PPP2R2C: variants seen among roughly 807,000 people sequenced by gnomAD.
The protein encoded by PPP2R2C is protein phosphatase 2 regulatory subunit Bgamma, also known as protein phosphatase 2, regulatory subunit B, gamma.
PPP2R2C carries 10 observed loss-of-function variants against 45.3 expected under a neutral mutation model. The observed-to-expected ratio is 0.22, with a 90% CI of 0.14 to 0.37. PPP2R2C has a LOEUF of 0.37. Among genes scored for constraint, PPP2R2C ranks in the 10% least tolerant of loss-of-function variants. PPP2R2C has a pLI of 1.00. For synonymous variants in PPP2R2C, 257 were observed against 245.4 expected, an observed-to-expected ratio of 1.05 and a Z score of -0.44; for missense variants, 308 against 619.7, an observed-to-expected ratio of 0.50 and a Z score of 5.34.
At chr4:6,347,666 G>T (rs1173639161) in intron 6 of PPP2R2C, among the ~76,000 whole-genome samples, 180 bp downstream of exon 6, 1 of 152,116 alleles carries the variant, frequency 6.6e-6, no homozygotes, top group East Asian at 1.9e-4. Context: ...GGCAGCAGGT[G>T]GCAAGACCAG....
upstream of PPP2R2C, among the ~76,000 whole-genome samples, chr4:6,474,492 A>G (rs1722066728): frequency 6.6e-6 from 1 of 152,000 alleles, no homozygotes; most frequent in Non-Finnish European, 1.5e-5. Context: ...CTGATCATGG[A>G]GAAGTCCCCT....
chr4:6,533,639 G>A (rs958624995), intron 2 of PPP2R2C, among the ~76,000 whole-genome samples: 5 of 152,182 alleles, frequency 3.3e-5, no homozygotes, highest in Admixed American at 1.3e-4. Context: ...TGACATTGCC[G>A]TCCAAATGCA....
At chr4:6,524,341 C>G (rs1364879044) in intron 2 of PPP2R2C, among the ~76,000 whole-genome samples, 1 of 152,220 alleles carries the variant, frequency 6.6e-6, no homozygotes, top group Non-Finnish European at 1.5e-5. Flanking sequence ...CTGTCCAGAA[C>G]AGGCAGATTC....
intron 1 of PPP2R2C, among the ~76,000 whole-genome samples, chr4:6,423,211 G>C (rs1329591873): frequency 6.6e-6 from 1 of 152,120 alleles, no homozygotes; most frequent in Non-Finnish European, 1.5e-5. Flanking sequence ...TTAGTTTTTT[G>C]TTTGTTTGTT....
chr4:6,532,530 G>T (rs926093827), intron 2 of PPP2R2C, among the ~76,000 whole-genome samples: 2 of 152,230 alleles, frequency 1.3e-5, no homozygotes, highest in Non-Finnish European at 2.9e-5. Context: ...GGGAGGCGCA[G>T]GCTCATTTCC....
At chr4:6,427,986 C>T (rs966869799) in intron 1 of PPP2R2C, among the ~76,000 whole-genome samples, 2 of 152,156 alleles carry the variant, frequency 1.3e-5, no homozygotes, top group Admixed American at 6.5e-5. Context: ...AATGAGGGAA[C>T]GAGCTAGACA....
intron 2 of PPP2R2C, among the ~76,000 whole-genome samples, chr4:6,509,482 A>AAAAT (rs1421667189): frequency 6.6e-6 from 1 of 152,166 alleles, no homozygotes; most frequent in Admixed American, 6.5e-5. Flanking sequence ...TGGCAAAAAA[A>AAAAT]AAATAAATAA....
At chr4:6,430,730 G>T (rs1719566674) in intron 1 of PPP2R2C, among the ~76,000 whole-genome samples, 1 of 152,118 alleles carries the variant, frequency 6.6e-6, no homozygotes, top group Admixed American at 6.5e-5. Context: ...TTCCAGACCA[G>T]CCTGGCCAAC....
At chr4:6,481,291 T>C (rs1162715499) in intron 2 of PPP2R2C, among the ~76,000 whole-genome samples, 1 of 152,238 alleles carries the variant, frequency 6.6e-6, no homozygotes, top group Non-Finnish European at 1.5e-5. Context: ...CCTTCCTTTA[T>C]GTTTTAGGAC....
chr4:6,390,955 G>C (rs1328451026), intron 1 of PPP2R2C, among the ~76,000 whole-genome samples: 1 of 152,198 alleles, frequency 6.6e-6, no homozygotes, highest in Non-Finnish European at 1.5e-5. Flanking sequence ...AGATGGGGCA[G>C]CTCCCAGGCC....
At chr4:6,501,253 G>GT (rs1560587754) in intron 2 of PPP2R2C, among the ~76,000 whole-genome samples, 2 of 152,174 alleles carry the variant, frequency 1.3e-5, no homozygotes, top group Non-Finnish European at 2.9e-5. Flanking sequence ...AACAGATGAG[G>GT]CAATCACCCA....
chr4:6,552,376 G>T (rs553335673), intron 1 of PPP2R2C, among the ~76,000 whole-genome samples: 1 of 152,292 alleles, frequency 6.6e-6, no homozygotes, highest in Non-Finnish European at 1.5e-5. Context: ...CCCCAGGGGA[G>T]GATCCGTTTC....
At chr4:6,382,875 TG>T (rs1715951182) in intron 1 of PPP2R2C, 1 of 1,111,642 alleles carries the variant, frequency 9.0e-7, no homozygotes, top group Non-Finnish European at 1.1e-6. Flanking sequence ...GGACTGATCC[TG>T]GCACTCCCCT....
At chr4:6,393,101 T>C (rs907000536) in intron 1 of PPP2R2C, among the ~76,000 whole-genome samples, 2 of 152,214 alleles carry the variant, frequency 1.3e-5, no homozygotes, top group African/African-American at 2.4e-5. Flanking sequence ...GTACACTTGA[T>C]TGGATTTTAA....
chr4:6,537,515 C>T (rs932515992), intron 1 of PPP2R2C, among the ~76,000 whole-genome samples: 1 of 151,502 alleles, frequency 6.6e-6, no homozygotes, highest in African/African-American at 2.4e-5. Flanking sequence ...AAAATTCTGA[C>T]ACATGCTACA....
At chr4:6,437,936 A>G (rs970358935) in intron 1 of PPP2R2C, among the ~76,000 whole-genome samples, 1 of 152,196 alleles carries the variant, frequency 6.6e-6, no homozygotes, top group Non-Finnish European at 1.5e-5. Flanking sequence ...GAAATATATT[A>G]GCTTGTTTTT....
chr4:6,326,491 T>C (rs1304480189), intron 8 of PPP2R2C, among the ~76,000 whole-genome samples: 3 of 152,038 alleles, frequency 2.0e-5, no homozygotes, highest in Non-Finnish European at 4.4e-5. Flanking sequence ...TTGAAGCCTG[T>C]TGTGGGAGGG....
intron 1 of PPP2R2C, among the ~76,000 whole-genome samples, chr4:6,466,750 G>A (rs1020223704): frequency 1.3e-5 from 2 of 152,140 alleles, no homozygotes; most frequent in Non-Finnish European, 2.9e-5. Context: ...ACTAAAAAGT[G>A]TAGCAAATGA....
chr4:6,443,084 G>A (rs1720231657), intron 1 of PPP2R2C, among the ~76,000 whole-genome samples: 1 of 152,088 alleles, frequency 6.6e-6, no homozygotes, highest in African/African-American at 2.4e-5. Flanking sequence ...TCCACCCCAG[G>A]AACCTGGGAG....
Sources: allele counts gnomAD v4.1 joint callset (sites outside exome capture counted in the v4.1 genomes callset), GRCh38; gene constraint gnomAD v4.1.1; transcripts MANE v1.5; gene names NCBI Gene and HGNC (gene_info 2026-07-23, HGNC 2026-07-21).